The following PPARGC1A variants were observed in gnomAD, a reference collection of about 807,000 sequenced individuals.
PPARGC1A encodes the protein peroxisome proliferator-activated receptor gamma coactivator 1-alpha.
A neutral mutation model predicts 88.7 loss-of-function variants in PPARGC1A; 25 were observed. That is an observed-to-expected ratio of 0.28 (90% confidence interval 0.21 to 0.39). PPARGC1A has a LOEUF of 0.39. Ranked by LOEUF, PPARGC1A falls within the 10% of genes least tolerant of loss-of-function variation. The pLI is 1.00. For synonymous variants in PPARGC1A, 363 were observed against 355.6 expected, an observed-to-expected ratio of 1.02 and a Z score of -0.24; for missense variants, 880 against 968.7, an observed-to-expected ratio of 0.91 and a Z score of 1.22.
At chr4:24,370,783 C>CTTTTTTTTTTTTTTTTTTTTTTT in the PPARGC1A span, among the ~76,000 whole-genome samples, 12 of 64,450 alleles carry the variant, frequency 1.9e-4, no homozygotes, top group Non-Finnish European at 2.1e-4. Context: ...TTTTTTTTTA[C>CTTTTTTTTTTTTTTTTTTTTTTT]TTTAAGTTCT....
the PPARGC1A span, among the ~76,000 whole-genome samples, chr4:24,043,142 A>G: frequency 0.013 from 2,009 of 152,264 alleles, 32 homozygotes; most frequent in South Asian, 0.083. Context: ...TGGAATCAGG[A>G]GATGACTTTT....
the PPARGC1A span, among the ~76,000 whole-genome samples, chr4:24,158,424 A>C: frequency 6.6e-6 from 1 of 152,208 alleles, no homozygotes; most frequent in Non-Finnish European, 1.5e-5. Flanking sequence ...ACATTAAAAC[A>C]AGATCAGGCA....
the PPARGC1A span, among the ~76,000 whole-genome samples, chr4:24,123,906 T>C: frequency 2.0e-5 from 2 of 101,080 alleles, no homozygotes; most frequent in Admixed American, 1.0e-4. Flanking sequence ...GGAATCTAAG[T>C]TGGCAAAAAA....
chr4:24,008,183 T>C, the PPARGC1A span, among the ~76,000 whole-genome samples: 13 of 152,260 alleles, frequency 8.5e-5, no homozygotes, highest in East Asian at 1.5e-3. Context: ...CTGGACTCTG[T>C]CCTCTGAACT....
the PPARGC1A span, among the ~76,000 whole-genome samples, chr4:24,324,294 C>T: frequency 3.4e-4 from 51 of 152,230 alleles, no homozygotes; most frequent in Middle Eastern, 3.4e-3. Context: ...TCACCCTTAG[C>T]GGCAAGTCCC....
the PPARGC1A span, among the ~76,000 whole-genome samples, chr4:23,932,398 G>C: frequency 3.9e-5 from 6 of 152,250 alleles, no homozygotes; most frequent in African/African-American, 1.4e-4. Context: ...GACGTCTCCA[G>C]TGGCTTTTCC....
the PPARGC1A span, among the ~76,000 whole-genome samples, chr4:24,388,006 G>A: frequency 6.7e-6 from 1 of 148,556 alleles, no homozygotes; most frequent in African/African-American, 2.5e-5. Flanking sequence ...GATGAAGGAA[G>A]GAAGGAAAGA....
At chr4:24,283,149 G>C in the PPARGC1A span, among the ~76,000 whole-genome samples, 1 of 152,174 alleles carries the variant, frequency 6.6e-6, no homozygotes, top group Non-Finnish European at 1.5e-5. Context: ...TAGTGACAAA[G>C]ACATGGTGGT....
At chr4:23,893,245 T>C (rs1718115838), upstream of PPARGC1A, among the ~76,000 whole-genome samples, 1 of 152,096 alleles carries the variant, frequency 6.6e-6, no homozygotes, top group Non-Finnish European at 1.5e-5. Flanking sequence ...GTGTATAACA[T>C]TTGGGTTTCC....
the PPARGC1A span, among the ~76,000 whole-genome samples, chr4:23,977,100 AAG>A: frequency 4.1e-3 from 631 of 152,194 alleles, 6 homozygotes; most frequent in African/African-American, 0.015. Flanking sequence ...AGAAGGGAAA[AAG>A]AGATGGAGAG....
the PPARGC1A span, among the ~76,000 whole-genome samples, chr4:23,967,839 G>C: frequency 9.2e-5 from 14 of 152,132 alleles, no homozygotes; most frequent in African/African-American, 2.7e-4. Flanking sequence ...AGTGTGTGAA[G>C]CGGTGTGCAA....
At chr4:24,295,289 C>T in the PPARGC1A span, among the ~76,000 whole-genome samples, 1 of 152,178 alleles carries the variant, frequency 6.6e-6, no homozygotes, top group Non-Finnish European at 1.5e-5. Context: ...GCCAAAACCT[C>T]TCTTGACGTT....
chr4:23,971,962 C>A, the PPARGC1A span, among the ~76,000 whole-genome samples: 1 of 151,938 alleles, frequency 6.6e-6, no homozygotes, highest in Non-Finnish European at 1.5e-5. Context: ...AGCAAACAGC[C>A]ATTTTTAATC....
At chr4:24,075,215 C>G in the PPARGC1A span, among the ~76,000 whole-genome samples, 1 of 152,126 alleles carries the variant, frequency 6.6e-6, no homozygotes, top group Non-Finnish European at 1.5e-5. Context: ...CTAAAAACAA[C>G]GAAGTTGCCA....
chr4:24,466,119 T>C, the PPARGC1A span, among the ~76,000 whole-genome samples: 1 of 152,210 alleles, frequency 6.6e-6, no homozygotes. Context: ...TCAGGCTAGA[T>C]CTACCATTCA....
the PPARGC1A span, among the ~76,000 whole-genome samples, chr4:23,989,288 A>G: frequency 6.6e-6 from 1 of 152,006 alleles, no homozygotes; most frequent in Non-Finnish European, 1.5e-5. Context: ...TTTCTGTAGC[A>G]GTTGAACACT....
chr4:24,295,029 A>C, the PPARGC1A span, among the ~76,000 whole-genome samples: 2 of 152,228 alleles, frequency 1.3e-5, no homozygotes, highest in Non-Finnish European at 2.9e-5. Flanking sequence ...GTGGTCAATC[A>C]CAGGCATCAA....
chr4:23,990,572 G>T, the PPARGC1A span, among the ~76,000 whole-genome samples: 1 of 152,062 alleles, frequency 6.6e-6, no homozygotes, highest in East Asian at 1.9e-4. Flanking sequence ...AACTCTGCCA[G>T]CCACTCTGGA....
the PPARGC1A span, among the ~76,000 whole-genome samples, chr4:24,212,124 G>A: frequency 1.3e-5 from 2 of 152,086 alleles, no homozygotes; most frequent in African/African-American, 4.8e-5. Context: ...TCTTCAAGAC[G>A]TTTCTTGATG....
Sources: allele counts gnomAD v4.1 joint callset (sites outside exome capture counted in the v4.1 genomes callset), GRCh38; gene constraint gnomAD v4.1.1; transcripts MANE v1.5; gene names NCBI Gene and HGNC (gene_info 2026-07-23, HGNC 2026-07-21).